The following EDIL3 variants were observed in gnomAD, a reference collection of about 807,000 sequenced individuals.
The protein encoded by EDIL3 is EGF like and discoidin domains 3, also known as EGF-like repeat and discoidin I-like domain-containing protein 3.
EDIL3 carries 37 observed loss-of-function variants against 67.4 expected under a neutral mutation model. The ratio of observed to expected loss-of-function variants is 0.55; its 90% confidence interval spans 0.42 to 0.72. EDIL3 has a LOEUF of 0.72. Among genes scored for constraint, EDIL3 ranks in the 30% least tolerant of loss-of-function variants. The pLI is 0.00. For missense variants in EDIL3, 527 were observed against 586.3 expected, an observed-to-expected ratio of 0.90 and a Z score of 1.04; for synonymous variants, 195 against 196.3, an observed-to-expected ratio of 0.99 and a Z score of 0.05.
chr5:83,974,213 T>C (rs1744839686), intron 9 of EDIL3, among the ~76,000 whole-genome samples: 1 of 151,812 alleles, frequency 6.6e-6, no homozygotes. Context: ...GAAACCCAGA[T>C]GTAACTTTTT....
intron 1 of EDIL3, among the ~76,000 whole-genome samples, chr5:84,325,177 G>T (rs1746733085): frequency 6.6e-6 from 1 of 151,774 alleles, no homozygotes; most frequent in South Asian, 2.1e-4. Flanking sequence ...GATTCTATCA[G>T]CGGAGAATTT....
chr5:84,030,592 C>T (rs1196137952), intron 9 of EDIL3, among the ~76,000 whole-genome samples: 1 of 152,150 alleles, frequency 6.6e-6, no homozygotes, highest in Non-Finnish European at 1.5e-5. Context: ...TTCAAACATA[C>T]TAATTTAAAT....
At chr5:84,068,063 C>A (rs766530932) in intron 6 of EDIL3, among the ~76,000 whole-genome samples, 37 of 152,146 alleles carry the variant, frequency 2.4e-4, no homozygotes, top group Admixed American at 7.2e-4. Flanking sequence ...ACTTACTACT[C>A]TTAATATTTA....
At chr5:84,313,003 T>C (rs1384589759) in intron 1 of EDIL3, among the ~76,000 whole-genome samples, 1 of 152,218 alleles carries the variant, frequency 6.6e-6, no homozygotes, top group Non-Finnish European at 1.5e-5. Context: ...GTGTTTTGAG[T>C]GGCATTCTGG....
chr5:84,298,582 TG>T (rs938949102), intron 1 of EDIL3, among the ~76,000 whole-genome samples: 4 of 152,164 alleles, frequency 2.6e-5, no homozygotes, highest in African/African-American at 9.7e-5. Flanking sequence ...CGTTTACCTA[TG>T]TAACAAACCT....
intron 1 of EDIL3, among the ~76,000 whole-genome samples, chr5:84,329,717 A>G (rs1163402494): frequency 6.6e-6 from 1 of 152,068 alleles, no homozygotes; most frequent in Non-Finnish European, 1.5e-5. Context: ...GCCACTTACC[A>G]CTTTTATTAC....
chr5:84,154,152 A>C (rs1440246955), intron 4 of EDIL3, among the ~76,000 whole-genome samples: 1 of 152,244 alleles, frequency 6.6e-6, no homozygotes, highest in Non-Finnish European at 1.5e-5. Flanking sequence ...GGCTCATAAG[A>C]AACTTATTGT....
chr5:84,111,363 A>C (rs187987736), intron 5 of EDIL3, among the ~76,000 whole-genome samples: 85 of 152,354 alleles, frequency 5.6e-4, no homozygotes, highest in African/African-American at 1.7e-3. Flanking sequence ...AATTAACCTG[A>C]TACCATCATT....
chr5:84,052,363 T>C (rs1011916191), intron 9 of EDIL3, among the ~76,000 whole-genome samples: 3 of 152,052 alleles, frequency 2.0e-5, no homozygotes, highest in Non-Finnish European at 4.4e-5. Flanking sequence ...ACATGCCAAA[T>C]TGTAAAGACC....
At chr5:83,997,350 G>A (rs1580271439) in intron 9 of EDIL3, among the ~76,000 whole-genome samples, 1 of 152,258 alleles carries the variant, frequency 6.6e-6, no homozygotes, top group Middle Eastern at 3.4e-3. Context: ...AGGATGGAAA[G>A]AAATGCACAA....
chr5:84,264,976 A>G (rs1343341403), intron 1 of EDIL3, among the ~76,000 whole-genome samples: 1 of 152,196 alleles, frequency 6.6e-6, no homozygotes, highest in African/African-American at 2.4e-5. Flanking sequence ...AGTCACATAT[A>G]AAAATAACCT....
rs1318532320 is a variant in EDIL3, at chr5:84,203,669, T to C, written c.227-23148A>G. ...AGTGACTATTATAAAATCTATAATA[T>C]AATGGAAGCACTGTACTCGCACAAG... On this transcript the variant is annotated intron_variant, in intron 3 of 10. Coordinates refer to ENST00000296591, the MANE Select transcript of EDIL3 (RefSeq NM_005711.5). Among the ~76,000 whole-genome samples the C allele has an allele frequency of 2.6e-5, 4 of 152,172 alleles. No homozygotes were observed. In the East Asian group the frequency reaches 7.7e-4, roughly 29 times the overall value.
chr5:84,329,628 T>C (rs1290493782), intron 1 of EDIL3, among the ~76,000 whole-genome samples: 4 of 152,142 alleles, frequency 2.6e-5, no homozygotes, highest in Non-Finnish European at 4.4e-5. Flanking sequence ...CGTTGCTATG[T>C]CAAAATTAAT....
chr5:84,137,236 C>T lies in EDIL3; in HGVS notation c.469+5G>A. The T allele has an allele frequency of 1.9e-5, 31 of 1,596,318 alleles. No individual in the cohort carries two copies. The highest frequency in any genetic ancestry group is 2.7e-5 in the Non-Finnish European group (31 of 1,166,178). On this transcript the variant is annotated splice_donor_5th_base_variant and intron_variant, in intron 5 of 10. Transcript: ENST00000296591. ...ACACACACATACACACACGTGAATA[C>T]TTACTGTATTGACAATTTCTTCCCA... is the stretch of plus-strand genomic sequence containing the variant.
At chr5:83,960,896 T>G (rs73141989) in intron 10 of EDIL3, among the ~76,000 whole-genome samples, 4,506 of 151,154 alleles carry the variant, frequency 0.03, 228 homozygotes, top group African/African-American at 0.1. Flanking sequence ...ATAAATTGTT[T>G]AAATGCTCCA....
At chr5:84,339,232 T>G (rs1403306658) in intron 1 of EDIL3, among the ~76,000 whole-genome samples, 1 of 152,132 alleles carries the variant, frequency 6.6e-6, no homozygotes, top group Admixed American at 6.6e-5. Flanking sequence ...TAGATTACTG[T>G]TAATATAACA....
At chr5:84,158,078 T>C (rs1748526629) in intron 4 of EDIL3, among the ~76,000 whole-genome samples, 2 of 152,214 alleles carry the variant, frequency 1.3e-5, no homozygotes, top group South Asian at 4.1e-4. Context: ...AGTTTTGTTA[T>C]ATATGAGGAA....
intron 9 of EDIL3, among the ~76,000 whole-genome samples, chr5:84,017,620 A>G (rs1278652696): frequency 6.6e-6 from 1 of 152,192 alleles, no homozygotes; most frequent in Non-Finnish European, 1.5e-5. Flanking sequence ...ATAAATGTAT[A>G]ATAACTGTGG....
At chr5:84,224,733 A>T (rs1334735624) in intron 3 of EDIL3, among the ~76,000 whole-genome samples, 2 of 151,586 alleles carry the variant, frequency 1.3e-5, no homozygotes, top group African/African-American at 4.8e-5. Flanking sequence ...CATATATATT[A>T]GACCAAAGTC....
Sources: gnomAD v4.1 joint callset for allele counts (sites outside exome capture counted in the v4.1 genomes callset) on GRCh38, gnomAD v4.1.1 for gene constraint, MANE v1.5 for transcripts, NCBI Gene and HGNC (gene_info 2026-07-23, HGNC 2026-07-21) for gene names.